RAI2: variants seen among roughly 807,000 people sequenced by gnomAD.
RAI2 encodes the protein retinoic acid-induced protein 2.
A neutral mutation model predicts 15.3 loss-of-function variants in RAI2; 5 were observed. The ratio of observed to expected loss-of-function variants is 0.33; its 90% CI spans 0.17 to 0.69. The LOEUF (loss-of-function observed/expected upper bound fraction) is 0.69. RAI2 is among the 30% of genes least tolerant of loss of function. RAI2 has a pLI of 0.69. For missense variants in RAI2, 424 were observed against 424.7 expected, an observed-to-expected ratio of 1.00 and a Z score of 0.01; for synonymous variants, 191 against 184.0, an observed-to-expected ratio of 1.04 and a Z score of -0.31.
At position 17,800,468 on chromosome X, in the gene RAI2, T is replaced by C. The variant is rs772525621; in HGVS notation, c.1543A>G (p.Met515Val). The change falls in exon 2 of 2, where the codon ATG (methionine) becomes GTG (valine). Residue 515 changes from methionine (M) to valine (V), a missense_variant. Met to Val is a conservative substitution (Grantham distance 21). Coordinates refer to ENST00000451717, the MANE Select transcript of RAI2 (RefSeq NM_021785.6). ...AGCCGTTGTTTTTTGATTGGGAGCA[T>C]GTGTATTTCCTGGGAGTTCACTTTC... ...LKKVNSQEIH[M>V]LPIKKQRLAT... 4.1e-6 allele frequency: 5 copies of C among 1,206,765 alleles called. No homozygotes were observed. In the African/African-American group the frequency reaches 8.8e-5, roughly 21 times the overall value.
In RAI2 at chrX:17,858,411, C is replaced by T. The variant is rs141263155; in HGVS notation, c.-25+2687G>A. On this transcript the variant is annotated intron_variant, in intron 1 of 1. Transcript: ENST00000451717. The stretch of plus-strand genomic sequence containing the variant: ...CTTCCCAATTTATTTCCCTCCACTA[C>T]CATCCTCTCCAAAATTCTAAGCTTA... 4.6e-3 allele frequency among the ~76,000 whole-genome samples: 514 copies of T among 112,472 alleles called. 6 individuals carry two copies. Among genetic ancestry groups the T allele is most frequent in the African/African-American group, 0.015 (467 of 30,906 alleles).
intron 1 of RAI2, among the ~76,000 whole-genome samples, chrX:17,837,887 C>T (rs1023508852): frequency 1.8e-5 from 2 of 112,325 alleles, no homozygotes; most frequent in Non-Finnish European, 3.8e-5. Flanking sequence ...ATATTTGTAG[C>T]AGCTTTATTT....
chrX:17,849,019 G>A lies in RAI2; in HGVS notation c.-25+12079C>T, dbSNP rs969018301. Among the ~76,000 whole-genome samples the A allele has an allele frequency of 3.6e-5, 4 of 112,494 alleles. No homozygotes were observed. In the Admixed American group the frequency reaches 3.7e-4, roughly 11 times the overall value. On this transcript the variant is annotated intron_variant, in intron 1 of 1. Coordinates refer to ENST00000451717, the MANE Select transcript of RAI2 (RefSeq NM_021785.6). ...GCCCAAATAAAGCTGGGATGACGAC[G>A]AGAGGGTAAGCTCTTCAGGACAGCA...
At position 17,821,092 on chromosome X, in the gene RAI2, A is replaced by T. The variant is rs1047708230; in HGVS notation, c.-24-19058T>A. Among the ~76,000 whole-genome samples the T allele has an allele frequency of 3.6e-5, 4 of 111,716 alleles. No homozygotes were observed. In the East Asian group the frequency reaches 1.1e-3, roughly 31 times the overall value. On this transcript the variant is annotated intron_variant, in intron 1 of 1. Transcript: ENST00000451717. ...AAATTAGCATTCTTTTTTTCTTTTT[A>T]ATTTTTGGATCCGAAGTGTACCGAA...
intron 1 of RAI2, among the ~76,000 whole-genome samples, chrX:17,847,259 G>A (rs1259374913): frequency 8.9e-6 from 1 of 111,924 alleles, no homozygotes; most frequent in Non-Finnish European, 1.9e-5. Context: ...CCTCTACTTC[G>A]GTTCTTCCTT....
intron 1 of RAI2, among the ~76,000 whole-genome samples, chrX:17,859,403 T>G (rs1465873328): frequency 8.9e-6 from 1 of 112,097 alleles, no homozygotes; most frequent in East Asian, 2.8e-4. Flanking sequence ...CCCTGCTGGC[T>G]GCTTTTCTCT....
intron 1 of RAI2, among the ~76,000 whole-genome samples, chrX:17,832,296 C>A (rs1000277819): frequency 9.0e-6 from 1 of 111,731 alleles, no homozygotes; most frequent in African/African-American, 3.3e-5. Context: ...CCAGGCAAAC[C>A]GGGAAGGTTT....
At chrX:17,838,235 T>G (rs1352560062) in intron 1 of RAI2, among the ~76,000 whole-genome samples, 2 of 112,487 alleles carry the variant, frequency 1.8e-5, no homozygotes, top group Non-Finnish European at 3.8e-5. Flanking sequence ...TATTCTATTT[T>G]GATCTGGGGT....
At chrX:17,829,436 A>G (rs913599689) in intron 1 of RAI2, among the ~76,000 whole-genome samples, 3 of 110,775 alleles carry the variant, frequency 2.7e-5, no homozygotes. Context: ...CAAGAGCCCA[A>G]CCTCATGCAT....
At chrX:17,843,700 A>G (rs2067425476) in intron 1 of RAI2, among the ~76,000 whole-genome samples, 2 of 112,257 alleles carry the variant, frequency 1.8e-5, no homozygotes, top group South Asian at 7.4e-4. Context: ...CAGAAAAAAT[A>G]GAAGCTATGA....
At chrX:17,852,940 A>G (rs1282613370) in intron 1 of RAI2, among the ~76,000 whole-genome samples, 1 of 110,106 alleles carries the variant, frequency 9.1e-6, no homozygotes, top group Non-Finnish European at 1.9e-5. Flanking sequence ...GGCTGCTACA[A>G]TCTGAAATGA....
chrX:17,817,480 A>T (rs944332441), intron 1 of RAI2, among the ~76,000 whole-genome samples: 1 of 112,659 alleles, frequency 8.9e-6, no homozygotes, highest in Admixed American at 9.3e-5. Context: ...CTGCATAAAT[A>T]TCCACTGAAA....
In RAI2 at chrX:17,831,782, G is replaced by A. The variant is rs886130762; in HGVS notation, c.-25+29316C>T. 2.7e-5 allele frequency among the ~76,000 whole-genome samples: 3 copies of A among 112,342 alleles called. No individual in the cohort carries two copies. In the East Asian group the frequency reaches 8.4e-4, roughly 31 times the overall value. ...GGATTACATCAATAGACCTAAATCT[G>A]TCTATTTCCTTATCATCCTCCACCC... On this transcript the variant is annotated intron_variant, in intron 1 of 1. Transcript: ENST00000451717.
Position 17,838,374 on chromosome X carries a change from A to G in RAI2, c.-25+22724T>C, listed in dbSNP as rs151284977. Among the ~76,000 whole-genome samples the G allele has an allele frequency of 2.6e-4, 29 of 112,029 alleles. 1 individual carries two copies. In the East Asian group the frequency reaches 8.2e-3, roughly 32 times the overall value. On this transcript the variant is annotated intron_variant, in intron 1 of 1. Transcript: ENST00000451717. ...AGGTAAGATAGACTAATATAACAAT[A>G]AGTTGAAAGAATAATAAAATAAAAT...
chrX:17,834,103 G>A (rs901681630), intron 1 of RAI2, among the ~76,000 whole-genome samples: 2 of 111,722 alleles, frequency 1.8e-5, no homozygotes, highest in African/African-American at 6.5e-5. Context: ...TCTAGCAGCT[G>A]TATCTCTCAG....
chrX:17,811,228 A>G (rs2067046304), intron 1 of RAI2, among the ~76,000 whole-genome samples: 1 of 112,462 alleles, frequency 8.9e-6, no homozygotes, highest in Admixed American at 9.4e-5. Context: ...AATCATAAAG[A>G]GCTGCTGGTG....
At chrX:17,842,026 T>C (rs968943752) in intron 1 of RAI2, among the ~76,000 whole-genome samples, 7 of 112,034 alleles carry the variant, frequency 6.2e-5, no homozygotes, top group South Asian at 3.8e-4. Context: ...GCTGCAGACG[T>C]TGGATCTCTC....
intron 1 of RAI2, among the ~76,000 whole-genome samples, chrX:17,853,391 C>CA (rs2067560877): frequency 9.0e-6 from 1 of 111,361 alleles, no homozygotes; most frequent in Admixed American, 9.5e-5. Context: ...TGGAATTTTC[C>CA]AAAAAAACAC....
At chrX:17,859,944 T>C (rs909893539) in intron 1 of RAI2, among the ~76,000 whole-genome samples, 17 of 112,679 alleles carry the variant, frequency 1.5e-4, no homozygotes, top group African/African-American at 4.8e-4. Context: ...AAACCATTGT[T>C]AAAGCTGGGT....
Sources: gnomAD v4.1 joint callset for allele counts (sites outside exome capture counted in the v4.1 genomes callset) on GRCh38, gnomAD v4.1.1 for gene constraint, MANE v1.5 for transcripts, NCBI Gene and HGNC (gene_info 2026-07-23, HGNC 2026-07-21) for gene names.